RBMS1: variants seen among roughly 807,000 people sequenced by gnomAD.
RBMS1 encodes RNA binding motif single stranded interacting protein 1.
A neutral mutation model predicts 62.3 loss-of-function variants in RBMS1; 17 were observed. The observed-to-expected ratio is 0.27, with a 90% confidence interval of 0.19 to 0.41. RBMS1 has a LOEUF of 0.41. RBMS1 is among the 10% of genes least tolerant of loss of function. The pLI, the probability that RBMS1 is intolerant of heterozygous loss-of-function variation, is 1.00. For missense variants in RBMS1, 334 were observed against 504.5 expected, an observed-to-expected ratio of 0.66 and a Z score of 3.24; for synonymous variants, 172 against 170.0, an observed-to-expected ratio of 1.01 and a Z score of -0.09.
intron 2 of RBMS1, among the ~76,000 whole-genome samples, chr2:160,321,178 T>C (rs1171263684): frequency 6.6e-6 from 1 of 152,034 alleles, no homozygotes; most frequent in Non-Finnish European, 1.5e-5. Context: ...GAGAAAAGGC[T>C]CAGTAGTGCT....
At chr2:160,342,392 A>T (rs567177862) in intron 2 of RBMS1, among the ~76,000 whole-genome samples, 4 of 152,282 alleles carry the variant, frequency 2.6e-5, no homozygotes, top group South Asian at 2.1e-4. Flanking sequence ...ACTAAGTTAG[A>T]GTCACAGCAG....
rs200615886 is a variant in RBMS1 at position 160,399,538 on chromosome 2, T to A, written c.76-32147A>T. The stretch of plus-strand genomic sequence containing the variant: ...GATTCCTGTATGCTTTTTTTTTTTT[T>A]AAATCACTTACACCTACAACTCAAT... On this transcript the variant is annotated intron_variant, in intron 1 of 13. Coordinates refer to ENST00000348849, the MANE Select transcript of RBMS1 (RefSeq NM_016836.4). Among the ~76,000 whole-genome samples the A allele has an allele frequency of 7.7e-5, 11 of 142,864 alleles. No individual in the cohort carries two copies. In the East Asian group the frequency reaches 1.5e-3, roughly 19 times the overall value. 93.7% of individuals were successfully genotyped at this position (142,864 alleles called of 152,430 possible).
chr2:160,434,509 C>T (rs1194743485), intron 1 of RBMS1, among the ~76,000 whole-genome samples: 7 of 151,618 alleles, frequency 4.6e-5, no homozygotes, highest in African/African-American at 9.7e-5. Flanking sequence ...AAAACAGCAA[C>T]GCACAGGTTA....
intron 2 of RBMS1, among the ~76,000 whole-genome samples, chr2:160,336,960 G>A (rs999380523): frequency 6.6e-6 from 1 of 152,120 alleles, no homozygotes; most frequent in African/African-American, 2.4e-5. Flanking sequence ...TTGCTTTAAA[G>A]TGGGCTCACA....
chr2:160,400,856 G>C (rs942141944), intron 1 of RBMS1, among the ~76,000 whole-genome samples: 1 of 152,076 alleles, frequency 6.6e-6, no homozygotes, highest in Non-Finnish European at 1.5e-5. Flanking sequence ...AATAGGAAAG[G>C]ACCACCCCTC....
intron 1 of RBMS1, among the ~76,000 whole-genome samples, chr2:160,482,432 T>C (rs1157923784): frequency 1.3e-5 from 2 of 151,614 alleles, no homozygotes; most frequent in Admixed American, 1.3e-4. Context: ...ACAAATAAAA[T>C]TATTCCACTG....
intron 1 of RBMS1, among the ~76,000 whole-genome samples, chr2:160,492,321 T>C (rs1282410094): frequency 1.3e-5 from 2 of 152,178 alleles, no homozygotes; most frequent in African/African-American, 4.8e-5. Context: ...CAAATAATTT[T>C]TTTAAATGAG....
At chr2:160,389,514 A>G (rs1259612294) in intron 1 of RBMS1, among the ~76,000 whole-genome samples, 1 of 152,034 alleles carries the variant, frequency 6.6e-6, no homozygotes, top group Non-Finnish European at 1.5e-5. Flanking sequence ...CCTAGCCAAC[A>G]TGGCAAAACC....
At chr2:160,407,616 C>A (rs1284346459) in intron 1 of RBMS1, 2 of 982,018 alleles carry the variant, frequency 2.0e-6, no homozygotes. Flanking sequence ...AAGGAGGTGG[C>A]CGGCCGGGCC....
At chr2:160,310,119 C>A (rs2105960485) in intron 4 of RBMS1, among the ~76,000 whole-genome samples, 1 of 152,296 alleles carries the variant, frequency 6.6e-6, no homozygotes, top group Admixed American at 6.5e-5. Flanking sequence ...TATTACACAT[C>A]AGTCAAAATC....
chr2:160,423,575 C>G (rs1696521277), intron 1 of RBMS1, among the ~76,000 whole-genome samples: 1 of 152,210 alleles, frequency 6.6e-6, no homozygotes, highest in Admixed American at 6.5e-5. Context: ...GCACCAGCCA[C>G]TCATCTTCAT....
rs763641554 is a variant in RBMS1, at chr2:160,303,314, T to C, written c.560+16A>G. 2.5e-6 allele frequency: 4 copies of C among 1,576,576 alleles called. No individual in the cohort carries two copies. The highest frequency in any genetic ancestry group is 1.4e-5 in the African/African-American group (1 of 72,688). On this transcript the variant is annotated intron_variant, in intron 5 of 13. Coordinates refer to ENST00000348849, the MANE Select transcript of RBMS1 (RefSeq NM_016836.4). The stretch of plus-strand genomic sequence containing the variant: ...CTATTGTTGTTGACATAATAAAGAC[T>C]GGGCAGAAGGCTTACCTAGCAAAGC...
At chr2:160,306,545 C>T (rs1689535697) in intron 4 of RBMS1, among the ~76,000 whole-genome samples, 1 of 151,694 alleles carries the variant, frequency 6.6e-6, no homozygotes, top group Non-Finnish European at 1.5e-5. Flanking sequence ...TGACCTTTAG[C>T]GCTAATGTTA....
rs34478081 is a variant in RBMS1, at chr2:160,390,688, C to CAAAAAAAAAA, written c.76-23307_76-23298dup. The stretch of plus-strand genomic sequence containing the variant: ...TCCAGCCTGGGCTGAGACCCAGTCT[C>CAAAAAAAAAA]AAAAAAAAAAAAAAAAAAAAAGCAA... On this transcript the variant is annotated intron_variant, in intron 1 of 13. Coordinates refer to ENST00000348849, the MANE Select transcript of RBMS1 (RefSeq NM_016836.4). Among the ~76,000 whole-genome samples the CAAAAAAAAAA allele has an allele frequency of 3.3e-5, 2 of 60,632 alleles. 1 individual carries two copies. Among genetic ancestry groups the CAAAAAAAAAA allele is most frequent in the African/African-American group, 1.2e-4 (2 of 16,392 alleles). The allele number at this position is 60,632 out of a possible 152,430, so 39.8% of individuals were successfully genotyped here. A position where few individuals can be genotyped will look rare whatever the true frequency, so the allele number is the denominator to read the frequency against.
chr2:160,376,039 G>A (rs1693979775), intron 1 of RBMS1, among the ~76,000 whole-genome samples: 1 of 152,028 alleles, frequency 6.6e-6, no homozygotes, highest in Admixed American at 6.6e-5. Flanking sequence ...CCTCCCAGCT[G>A]TTTTTTAAAG....
chr2:160,380,405 T>C (rs1694222146), intron 1 of RBMS1, among the ~76,000 whole-genome samples: 1 of 152,146 alleles, frequency 6.6e-6, no homozygotes, highest in South Asian at 2.1e-4. Flanking sequence ...AACAGCATTC[T>C]AGGTGTGGCC....
At chr2:160,300,170 G>A (rs1327912554) in intron 6 of RBMS1, among the ~76,000 whole-genome samples, 2 of 152,208 alleles carry the variant, frequency 1.3e-5, no homozygotes, top group Admixed American at 1.3e-4. Flanking sequence ...GTGGGAGTTA[G>A]AGTAAGTGTG....
chr2:160,301,365 T>C (rs1689197682), intron 5 of RBMS1, among the ~76,000 whole-genome samples: 1 of 152,168 alleles, frequency 6.6e-6, no homozygotes, highest in Non-Finnish European at 1.5e-5. Context: ...CTGAGAAACA[T>C]TGCTGGGAAC....
At chr2:160,347,905 A>G (rs1040704260) in intron 2 of RBMS1, among the ~76,000 whole-genome samples, 1 of 152,000 alleles carries the variant, frequency 6.6e-6, no homozygotes, top group Admixed American at 6.6e-5. Flanking sequence ...CATTATTTCA[A>G]TCTTAATTCA....
Sources: gnomAD v4.1 joint callset for allele counts (sites outside exome capture counted in the v4.1 genomes callset) on GRCh38, gnomAD v4.1.1 for gene constraint, MANE v1.5 for transcripts, NCBI Gene and HGNC (gene_info 2026-07-23, HGNC 2026-07-21) for gene names.